The following PTPRM variants were observed in gnomAD, a reference collection of about 807,000 sequenced individuals.
PTPRM encodes the protein receptor-type tyrosine-protein phosphatase mu.
A neutral mutation model predicts 186.7 loss-of-function variants in PTPRM; 47 were observed. That is an observed-to-expected ratio of 0.25 (90% CI 0.20 to 0.32). The LOEUF is 0.32. Ranked by LOEUF, PTPRM falls within the 10% of genes least tolerant of loss-of-function variation. PTPRM has a pLI of 1.00. For missense variants in PTPRM, 1,494 were observed against 1,865.0 expected (o/e 0.80, Z 3.66); for synonymous variants, 668 against 674.9 (o/e 0.99, Z 0.16).
chr18:8,259,734 G>A lies in PTPRM; in HGVS notation c.2754+6320G>A, dbSNP rs112828155. On this transcript the variant is annotated intron_variant, in intron 19 of 32. Coordinates refer to ENST00000580170, the MANE Select transcript of PTPRM (RefSeq NM_001105244.2). ...GCCATCTCAGTTCACTGCAACCTTC[G>A]CCTCCTGGGTTCAAGTGATTTTCCC... 5.3e-3 allele frequency among the ~76,000 whole-genome samples: 798 copies of A among 151,382 alleles called. 5 individuals are homozygous for A. The highest frequency in any genetic ancestry group is 0.018 in the African/African-American group (744 of 41,220).
chr18:7,623,739 AT>A (rs1390449570), intron 1 of PTPRM, among the ~76,000 whole-genome samples: 2 of 152,116 alleles, frequency 1.3e-5, no homozygotes, highest in African/African-American at 2.4e-5. Flanking sequence ...AATAACTCTT[AT>A]TCACAAGCTC....
chr18:8,136,321 A>C (rs1426957093), intron 13 of PTPRM, among the ~76,000 whole-genome samples: 1 of 152,224 alleles, frequency 6.6e-6, no homozygotes, highest in East Asian at 1.9e-4. Context: ...AAATAAAACT[A>C]TTTCATCAAA....
At chr18:8,353,517 T>C (rs1461488626) in intron 23 of PTPRM, among the ~76,000 whole-genome samples, 2 of 152,104 alleles carry the variant, frequency 1.3e-5, no homozygotes, top group African/African-American at 4.8e-5. Context: ...GTATACAGTT[T>C]GGGTGTTATG....
At chr18:8,166,766 G>A (rs1160653679) in intron 14 of PTPRM, among the ~76,000 whole-genome samples, 1 of 152,192 alleles carries the variant, frequency 6.6e-6, no homozygotes, top group Non-Finnish European at 1.5e-5. Context: ...CCAAGACTGA[G>A]CAAACTAAGT....
chr18:8,341,229 C>T (rs1440929385), intron 22 of PTPRM, among the ~76,000 whole-genome samples: 1 of 152,188 alleles, frequency 6.6e-6, no homozygotes, highest in African/African-American at 2.4e-5. Context: ...ATACAAACAT[C>T]ATGTCTTAAT....
intron 13 of PTPRM, among the ~76,000 whole-genome samples, chr18:8,141,041 C>T (rs2092755076): frequency 6.6e-6 from 1 of 152,092 alleles, no homozygotes; most frequent in Non-Finnish European, 1.5e-5. Flanking sequence ...TAACCAGAAC[C>T]ACATGTTCCC....
At chr18:7,641,828 C>A (rs768686482) in intron 1 of PTPRM, among the ~76,000 whole-genome samples, 14 of 152,176 alleles carry the variant, frequency 9.2e-5, no homozygotes, top group Non-Finnish European at 2.1e-4. Context: ...ATTTCTAATT[C>A]ATCTTATCTG....
chr18:7,950,974 T>TGCACC (rs2052912770), intron 6 of PTPRM, among the ~76,000 whole-genome samples: 1 of 152,164 alleles, frequency 6.6e-6, no homozygotes, highest in Non-Finnish European at 1.5e-5. Context: ...TGGGGGACAG[T>TGCACC]GCACCCCAGT....
intron 7 of PTPRM, among the ~76,000 whole-genome samples, chr18:7,963,348 G>A (rs1247358224): frequency 6.6e-6 from 1 of 152,182 alleles, no homozygotes; most frequent in Non-Finnish European, 1.5e-5. Context: ...TGAACCCTAA[G>A]GCAGCAGCAG....
chr18:7,567,991 CG>C lies in PTPRM; in HGVS notation c.73+104del. On this transcript the variant is annotated intron_variant, in intron 1 of 32. Coordinates refer to ENST00000580170, the MANE Select transcript of PTPRM (RefSeq NM_001105244.2). This position sits in a 1 kb window ranked among gnomAD's most constrained non-coding sequence, Gnocchi z 4.3. ...GGTGGTAGAGCCCTAAGGCTGGCGT[CG>C]GGGCCGGGCGGGGGGCGCGGCGGGC... is the stretch of plus-strand genomic sequence containing the variant. 1 of 1,128,298 alleles carries C rather than the reference CG, an allele frequency of 8.9e-7. No individual in the cohort carries two copies. Among genetic ancestry groups the C allele is most frequent in the Non-Finnish European group, 1.2e-6 (1 of 868,092 alleles). 69.9% of individuals were successfully genotyped at this position (1,128,298 alleles called of 1,614,324 possible). A position where few individuals can be genotyped will look rare whatever the true frequency, so the allele number is the denominator to read the frequency against.
chr18:8,212,188 A>G (rs1405870599), intron 14 of PTPRM, among the ~76,000 whole-genome samples: 2 of 152,174 alleles, frequency 1.3e-5, no homozygotes, highest in Non-Finnish European at 2.9e-5. Flanking sequence ...GAGGACCAAG[A>G]TGGCTTCCAA....
intron 1 of PTPRM, among the ~76,000 whole-genome samples, chr18:7,768,020 A>C (rs1416131255): frequency 6.6e-6 from 1 of 152,184 alleles, no homozygotes; most frequent in Non-Finnish European, 1.5e-5. Context: ...CTATCCTTTT[A>C]AAAAGGCTTT....
intron 23 of PTPRM, among the ~76,000 whole-genome samples, chr18:8,352,593 A>G (rs1392261411): frequency 6.8e-6 from 1 of 147,424 alleles, no homozygotes; most frequent in Non-Finnish European, 1.5e-5. Context: ...AGCTGTACCC[A>G]TGTTGTACCA....
At chr18:7,622,823 A>G (rs772583814) in intron 1 of PTPRM, among the ~76,000 whole-genome samples, 16 of 152,132 alleles carry the variant, frequency 1.1e-4, no homozygotes, top group African/African-American at 3.6e-4. Context: ...TTGAGAGTGA[A>G]ATACTTCACT....
intron 1 of PTPRM, among the ~76,000 whole-genome samples, chr18:7,651,169 C>T (rs907483879): frequency 7.9e-5 from 12 of 151,860 alleles, no homozygotes; most frequent in Non-Finnish European, 1.0e-4. Flanking sequence ...GTGATTCGCC[C>T]GCCTCAGCCT....
intron 7 of PTPRM, among the ~76,000 whole-genome samples, chr18:7,962,166 C>T (rs964293422): frequency 6.6e-6 from 1 of 152,142 alleles, no homozygotes; most frequent in Admixed American, 6.5e-5. Flanking sequence ...CGTACTGTTG[C>T]ACTTGAACAG....
intron 7 of PTPRM, among the ~76,000 whole-genome samples, chr18:7,957,484 T>C (rs916558306): frequency 2.0e-5 from 3 of 152,230 alleles, no homozygotes; most frequent in Non-Finnish European, 2.9e-5. Flanking sequence ...ATGCGCCCTT[T>C]CCTCTTAACT....
intron 1 of PTPRM, among the ~76,000 whole-genome samples, chr18:7,731,450 G>A (rs546764997): frequency 3.0e-4 from 46 of 152,118 alleles, no homozygotes; most frequent in Non-Finnish European, 5.4e-4. Flanking sequence ...AAGAGGTATC[G>A]TTTTAGGGCC....
chr18:8,291,012 C>G (rs2095037219), intron 19 of PTPRM, among the ~76,000 whole-genome samples: 1 of 152,100 alleles, frequency 6.6e-6, no homozygotes, highest in Admixed American at 6.5e-5. Context: ...ACCTATAAAA[C>G]TTGTGCTGGG....
Sources: gnomAD v4.1 joint callset for allele counts (sites outside exome capture counted in the v4.1 genomes callset) on GRCh38, gnomAD v4.1.1 for gene constraint, Gnocchi (gnomAD v3.1) non-coding constraint, MANE v1.5 for transcripts, NCBI Gene and HGNC (gene_info 2026-07-23, HGNC 2026-07-21) for gene names.